The following TAPT1 variants were observed in gnomAD, a reference collection of about 807,000 sequenced individuals.
TAPT1 encodes the protein transmembrane anterior posterior transformation protein 1 homolog.
A neutral mutation model predicts 65.6 loss-of-function variants in TAPT1; 28 were observed. That is an observed-to-expected ratio of 0.43 (90% CI 0.32 to 0.59). The LOEUF is 0.59. Among genes scored for constraint, TAPT1 ranks in the 20% least tolerant of loss-of-function variants. The probability of loss-of-function intolerance (pLI) is 0.09; values close to 1 mark genes in which losing one functional copy is unlikely to be tolerated. For synonymous variants in TAPT1, 278 were observed against 245.2 expected, an observed-to-expected ratio of 1.13 and a Z score of -1.25; for missense variants, 563 against 679.9, an observed-to-expected ratio of 0.83 and a Z score of 1.91.
rs1312425895 is a variant in TAPT1 at position 16,166,689 on chromosome 4, G to T, written c.1418C>A (p.Thr473Asn). 13 of 1,613,986 alleles carry T rather than the reference G, an allele frequency of 8.1e-6. No individual in the cohort carries two copies. The highest frequency in any genetic ancestry group is 1.1e-5 in the Non-Finnish European group (13 of 1,179,884). ...MEEKLSNPPA[T>N]CTPGKPSSKS... Reference sequence around the variant, plus strand: ...ACTGGACGGCTTGCCTGGAGTGCAGGTTGCGGGAGGATTCGACAGCTTCTC... The same window carrying T: ...ACTGGACGGCTTGCCTGGAGTGCAGTTTGCGGGAGGATTCGACAGCTTCTC... Residue 473 changes from threonine to asparagine, a missense_variant, in exon 13 of 14, where the codon ACC becomes AAC. Thr to Asn is a moderately conservative substitution (Grantham distance 65, BLOSUM62 0). Around this residue, in one of 5 missense-constraint regions of TAPT1, gnomAD observed 136 missense variants for 153.9 expected, o/e 0.88. Coordinates refer to ENST00000405303, the MANE Select transcript of TAPT1 (RefSeq NM_153365.3).
intron 12 of TAPT1, among the ~76,000 whole-genome samples, chr4:16,168,555 GGCT>G (rs1337751687): frequency 3.3e-5 from 5 of 152,172 alleles, no homozygotes; most frequent in Non-Finnish European, 2.9e-5. Flanking sequence ...CTTCCCAGGT[GGCT>G]GCACAGCTCC....
chr4:16,209,513 C>A (rs1042582222), intron 2 of TAPT1, among the ~76,000 whole-genome samples: 17 of 152,136 alleles, frequency 1.1e-4, no homozygotes, highest in African/African-American at 4.1e-4. Flanking sequence ...TTAGAAGATC[C>A]TATAATGTGT....
At chr4:16,180,180 C>G (rs1020945090) in intron 7 of TAPT1, among the ~76,000 whole-genome samples, 2 of 152,056 alleles carry the variant, frequency 1.3e-5, no homozygotes, top group African/African-American at 4.8e-5. Flanking sequence ...GTATGTAGAA[C>G]TTGAGGTAAA....
rs1747272574 is a variant in TAPT1 at position 16,161,911 on chromosome 4, A to G, written c.*1397T>C. 1.3e-5 allele frequency: 2 copies of G among 152,216 alleles called. No individual in the cohort carries two copies. Among genetic ancestry groups the G allele is most frequent in the South Asian group, 4.1e-4 (2 of 4,834 alleles). The allele number at this position is 152,216 out of a possible 1,614,324, so 9.4% of individuals were successfully genotyped here. On this transcript the variant is annotated 3_prime_UTR_variant, in exon 14 of 14. Coordinates refer to ENST00000405303, the MANE Select transcript of TAPT1 (RefSeq NM_153365.3). ...CTAAACTTCAAAATCAAAACATCAAAGGAAATAACAGTTAACAGTACCATC... is the reference window on the plus strand; with the variant it reads ...CTAAACTTCAAAATCAAAACATCAAGGGAAATAACAGTTAACAGTACCATC...
intron 1 of TAPT1, among the ~76,000 whole-genome samples, chr4:16,215,424 GTTCT>G (rs1313940163): frequency 1.3e-5 from 2 of 152,082 alleles, no homozygotes; most frequent in Non-Finnish European, 2.9e-5. Flanking sequence ...CGGATTCCTG[GTTCT>G]TTGAGTATTA....
chr4:16,181,407 T>G (rs967024240), intron 7 of TAPT1, among the ~76,000 whole-genome samples: 12 of 152,222 alleles, frequency 7.9e-5, no homozygotes, highest in Non-Finnish European at 4.4e-5. Context: ...CAAAGTAACT[T>G]TTGTAAACTC....
intron 1 of TAPT1, among the ~76,000 whole-genome samples, chr4:16,223,538 C>T (rs547680407): frequency 1.6e-4 from 24 of 152,260 alleles, no homozygotes; most frequent in African/African-American, 5.8e-4. Context: ...GAGTGGGATT[C>T]CCAATTCTAA....
intron 13 of TAPT1, among the ~76,000 whole-genome samples, chr4:16,164,966 T>C (rs572725479): frequency 6.6e-6 from 1 of 152,240 alleles, no homozygotes; most frequent in East Asian, 1.9e-4. Context: ...CCAACTCTCC[T>C]CTCCTCCCTC....
chr4:16,187,398 CA>C (rs1243790025), intron 5 of TAPT1, among the ~76,000 whole-genome samples: 3 of 152,142 alleles, frequency 2.0e-5, no homozygotes, highest in Non-Finnish European at 2.9e-5. Flanking sequence ...GATTCTTCTT[CA>C]TATGTCATTT....
At chr4:16,214,047 A>G in intron 1 of TAPT1, 149 bp from the exon 2 acceptor site, 1 of 552,412 alleles carries the variant, frequency 1.8e-6, no homozygotes. Context: ...GCACACAATG[A>G]TCAGCAAGTA....
intron 1 of TAPT1, among the ~76,000 whole-genome samples, chr4:16,223,096 A>G (rs1175504486): frequency 6.6e-6 from 1 of 152,152 alleles, no homozygotes; most frequent in African/African-American, 2.4e-5. Context: ...ATACTGAACT[A>G]TCTAGTAGTG....
At chr4:16,223,719 A>C (rs964114742) in intron 1 of TAPT1, among the ~76,000 whole-genome samples, 6 of 152,272 alleles carry the variant, frequency 3.9e-5, no homozygotes, top group Non-Finnish European at 8.8e-5. Context: ...ACAGCTATTC[A>C]TACAGACAAA....
intron 7 of TAPT1, among the ~76,000 whole-genome samples, chr4:16,185,756 T>C (rs1305249997): frequency 6.6e-6 from 1 of 152,150 alleles, no homozygotes; most frequent in East Asian, 1.9e-4. Context: ...TGTGTGCTCT[T>C]ATCTACGACA....
intron 5 of TAPT1, 65 bp downstream of exon 5, chr4:16,188,155 A>AC: frequency 7.2e-7 from 1 of 1,394,130 alleles, no homozygotes; most frequent in Non-Finnish European, 9.7e-7. Context: ...AAAATGGCTA[A>AC]CCAAATAAAA....
At chr4:16,196,560 A>G (rs754297970) in intron 3 of TAPT1, 9 of 493,314 alleles carry the variant, frequency 1.8e-5, no homozygotes, top group Non-Finnish European at 2.9e-5. Flanking sequence ...GTATGTTTCT[A>G]CCCCCTAATG....
At chr4:16,213,430 GA>G (rs146159131) in intron 2 of TAPT1, among the ~76,000 whole-genome samples, 6,433 of 151,796 alleles carry the variant, frequency 0.042, 218 homozygotes, top group African/African-American at 0.086. Flanking sequence ...CTGAATGGGG[GA>G]AAAAAAACCT....
At chr4:16,223,070 A>G (rs1751346950) in intron 1 of TAPT1, among the ~76,000 whole-genome samples, 1 of 152,170 alleles carries the variant, frequency 6.6e-6, no homozygotes, top group African/African-American at 2.4e-5. Context: ...GACTAGAAGC[A>G]ACCTAGATGC....
intron 12 of TAPT1, among the ~76,000 whole-genome samples, chr4:16,167,512 T>C (rs529987050): frequency 6.6e-6 from 1 of 152,346 alleles, no homozygotes; most frequent in Admixed American, 6.5e-5. Context: ...CTATTTGTAC[T>C]TTCTTGCTGT....
chr4:16,166,865 A>C, intron 12 of TAPT1, 72 bp from the exon 13 acceptor site: 3 of 1,467,440 alleles, frequency 2.0e-6, no homozygotes, highest in Non-Finnish European at 2.8e-6. Context: ...ATCTACTACC[A>C]TGGCTAAGGA....
Sources: gnomAD v4.1 joint callset for allele counts (sites outside exome capture counted in the v4.1 genomes callset) on GRCh38, gnomAD v4.1.1 for gene constraint, gnomAD v4.1.1 regional missense constraint, MANE v1.5 for transcripts, NCBI Gene and HGNC (gene_info 2026-07-23, HGNC 2026-07-21) for gene names.